Variants in CDKAL1 observed in about 807,000 individuals in gnomAD.
CDKAL1 encodes the protein threonylcarbamoyladenosine tRNA methylthiotransferase.
Under a neutral mutation model 68.2 loss-of-function variants are expected in CDKAL1, and 32 were observed. The ratio of observed to expected loss-of-function variants is 0.47; its 90% CI spans 0.35 to 0.63. CDKAL1 has a LOEUF of 0.63. Among genes scored for constraint, CDKAL1 ranks in the 30% least tolerant of loss-of-function variants. The pLI is 0.00. For missense variants in CDKAL1, 606 were observed against 696.7 expected, an observed-to-expected ratio of 0.87 and a Z score of 1.47; for synonymous variants, 234 against 244.3, an observed-to-expected ratio of 0.96 and a Z score of 0.39.
At chr6:21,205,089 A>G (rs1289011176) in intron 15 of CDKAL1, among the ~76,000 whole-genome samples, 1 of 152,184 alleles carries the variant, frequency 6.6e-6, no homozygotes, top group Non-Finnish European at 1.5e-5. Context: ...ACTTAGCATA[A>G]TGTCCTCAGG....
chr6:21,131,896 A>T (rs190848087), intron 13 of CDKAL1, among the ~76,000 whole-genome samples: 1 of 152,182 alleles, frequency 6.6e-6, no homozygotes, highest in African/African-American at 2.4e-5. Context: ...TAAATTAATA[A>T]ATAAGAAATA....
intron 7 of CDKAL1, among the ~76,000 whole-genome samples, chr6:20,778,430 C>T (rs1488652482): frequency 6.6e-6 from 1 of 152,146 alleles, no homozygotes; most frequent in African/African-American, 2.4e-5. Context: ...TCTTACAACT[C>T]AGTAAGACAA....
intron 7 of CDKAL1, among the ~76,000 whole-genome samples, chr6:20,770,378 C>G (rs1311593814): frequency 2.0e-5 from 3 of 152,026 alleles, no homozygotes; most frequent in Admixed American, 1.3e-4. Flanking sequence ...GTAAAACACA[C>G]TTTGTATATA....
At chr6:20,737,195 C>T (rs1561731965) in intron 5 of CDKAL1, among the ~76,000 whole-genome samples, 1 of 152,190 alleles carries the variant, frequency 6.6e-6, no homozygotes, top group Non-Finnish European at 1.5e-5. Context: ...AATAAAAATC[C>T]TCCTAGATTT....
chr6:20,850,323 T>C (rs1201682697), intron 9 of CDKAL1, among the ~76,000 whole-genome samples: 2 of 152,186 alleles, frequency 1.3e-5, no homozygotes, highest in Non-Finnish European at 2.9e-5. Flanking sequence ...TATGTCAGAA[T>C]TAAAAAATGA....
intron 8 of CDKAL1, among the ~76,000 whole-genome samples, chr6:20,783,658 A>T (rs1775531249): frequency 6.6e-6 from 1 of 152,074 alleles, no homozygotes. Flanking sequence ...AACCAGGCTA[A>T]ATCTATCCCT....
At chr6:20,608,676 A>C (rs1581810844) in intron 4 of CDKAL1, among the ~76,000 whole-genome samples, 1 of 152,320 alleles carries the variant, frequency 6.6e-6, no homozygotes, top group East Asian at 1.9e-4. Context: ...AATCCTTTAC[A>C]ACTGGTGTAG....
intron 8 of CDKAL1, among the ~76,000 whole-genome samples, chr6:20,816,258 G>A (rs143665112): frequency 1.8e-4 from 28 of 152,036 alleles, no homozygotes; most frequent in Non-Finnish European, 3.5e-4. Flanking sequence ...CAGATTCCTG[G>A]CAGATGTGAA....
intron 5 of CDKAL1, among the ~76,000 whole-genome samples, chr6:20,721,946 T>A (rs946199517): frequency 1.3e-5 from 2 of 152,062 alleles, no homozygotes. Context: ...TTGGCCAGAC[T>A]GGTCTCAAAC....
At chr6:21,010,924 T>TAG (rs1767976171) in intron 11 of CDKAL1, among the ~76,000 whole-genome samples, 1 of 145,308 alleles carries the variant, frequency 6.9e-6, no homozygotes, top group Non-Finnish European at 1.5e-5. Context: ...CTACTAAAAA[T>TAG]ACAAAAAATT....
intron 12 of CDKAL1, among the ~76,000 whole-genome samples, chr6:21,076,237 C>T (rs1168157147): frequency 6.6e-6 from 1 of 152,096 alleles, no homozygotes; most frequent in Non-Finnish European, 1.5e-5. Context: ...CATACCAAGG[C>T]AGGGTGACCA....
chr6:20,958,599 A>G (rs1438248021), intron 10 of CDKAL1, among the ~76,000 whole-genome samples: 3 of 152,212 alleles, frequency 2.0e-5, no homozygotes, highest in Non-Finnish European at 4.4e-5. Context: ...CCAATAAGAA[A>G]AAACAGAAGA....
At chr6:20,913,429 A>G (rs1301213426) in intron 9 of CDKAL1, among the ~76,000 whole-genome samples, 6 of 152,134 alleles carry the variant, frequency 3.9e-5, no homozygotes, top group Non-Finnish European at 8.8e-5. Context: ...GGCCTCTCCA[A>G]TATGGCAGCT....
chr6:20,842,393 C>T (rs62398060), intron 8 of CDKAL1, among the ~76,000 whole-genome samples: 2,156 of 152,118 alleles, frequency 0.014, 35 homozygotes, highest in Admixed American at 0.053. Context: ...ACTATGTACC[C>T]ACAAAAATTA....
chr6:21,217,848 C>A (rs1779399337), intron 15 of CDKAL1, among the ~76,000 whole-genome samples: 1 of 152,198 alleles, frequency 6.6e-6, no homozygotes, highest in African/African-American at 2.4e-5. Context: ...GTCTCAAACT[C>A]CTCGCCTCCA....
At chr6:21,094,809 T>A (rs1046315980) in intron 12 of CDKAL1, among the ~76,000 whole-genome samples, 1 of 152,240 alleles carries the variant, frequency 6.6e-6, no homozygotes, top group Non-Finnish European at 1.5e-5. Flanking sequence ...TATTAAAATA[T>A]AGTTATTACA....
intron 11 of CDKAL1, among the ~76,000 whole-genome samples, chr6:21,041,551 T>G (rs751556269): frequency 1.3e-4 from 19 of 151,720 alleles, no homozygotes; most frequent in Non-Finnish European, 2.2e-4. Flanking sequence ...AGTTTTTGTA[T>G]CAAATTACCT....
Position 20,739,547 on chromosome 6 carries a change from G to T in CDKAL1, c.400G>T (p.Val134Leu). Residue 134 changes from valine (V) to leucine (L), a missense_variant, in exon 6 of 16, where the codon GTA (valine) becomes TTA (leucine). Val to Leu is a conservative substitution (Grantham distance 32, BLOSUM62 1). Transcript: ENST00000274695. ...AGCTCAAGAGGAGAACAAGAAAATC[G>T]TACTGGCTGGATGCGTTCCTCAAGC... is the stretch of plus-strand genomic sequence containing the variant. Reference protein sequence around the residue: ...KKAQEENKKIVLAGCVPQAQP... With the variant: ...KKAQEENKKILLAGCVPQAQP... 1 of 1,612,440 alleles carries T rather than the reference G, an allele frequency of 6.2e-7. No individual in the cohort carries two copies. Among genetic ancestry groups the T allele is most frequent in the Non-Finnish European group, 8.5e-7 (1 of 1,179,024 alleles).
chr6:21,203,163 C>T (rs1322608304), intron 15 of CDKAL1, among the ~76,000 whole-genome samples: 1 of 147,160 alleles, frequency 6.8e-6, no homozygotes, highest in East Asian at 2.1e-4. Flanking sequence ...AATCGTCCCA[C>T]ATCAGCTTCC....
Sources: allele counts gnomAD v4.1 joint callset (sites outside exome capture counted in the v4.1 genomes callset), GRCh38; gene constraint gnomAD v4.1.1; transcripts MANE v1.5; gene names NCBI Gene and HGNC (gene_info 2026-07-23, HGNC 2026-07-21).